Variants in STIP1 observed in about 807,000 individuals in gnomAD.
The protein encoded by STIP1 is stress induced phosphoprotein 1, also known as stress-induced-phosphoprotein 1.
STIP1 carries 16 observed loss-of-function variants against 77.4 expected under a neutral mutation model. The observed-to-expected ratio is 0.21, with a 90% CI of 0.14 to 0.31. STIP1 has a LOEUF of 0.31. Among genes scored for constraint, STIP1 ranks in the 10% least tolerant of loss-of-function variants. The pLI is 1.00. For synonymous variants in STIP1, 258 were observed against 246.6 expected, an observed-to-expected ratio of 1.05 and a Z score of -0.44; for missense variants, 524 against 684.8, an observed-to-expected ratio of 0.77 and a Z score of 2.62.
rs747641282 is a variant in STIP1 at position 64,203,501 on chromosome 11, G to A, written c.1438G>A (p.Asp480Asn). ...TATGATGGCGCAGTACAACCGGCAC[G>A]ACAGCCCCGAAGATGTGAAGCGACG... is the stretch of plus-strand genomic sequence containing the variant. ...RCMMAQYNRH[D>N]SPEDVKRRAM... Residue 480 changes from aspartate to asparagine, a missense_variant, in exon 13 of 14, where the codon GAC (aspartate) becomes AAC (asparagine). Physicochemically the swap from Asp to Asn is conservative, Grantham distance 23. Coordinates refer to ENST00000305218, the MANE Select transcript of STIP1 (RefSeq NM_006819.3). The A allele has an allele frequency of 1.9e-6, 3 of 1,613,926 alleles. No homozygotes were observed. Among genetic ancestry groups the A allele is most frequent in the African/African-American group, 1.3e-5 (1 of 74,930 alleles).
chr11:64,194,940 G>C (rs1441567393), intron 4 of STIP1, among the ~76,000 whole-genome samples: 1 of 152,026 alleles, frequency 6.6e-6, no homozygotes, highest in Non-Finnish European at 1.5e-5. Context: ...GTGGAAACAG[G>C]GTTGAAGTTC....
rs781595621 is a variant in STIP1 at position 64,194,564 on chromosome 11, T to A, written c.447T>A (p.Asp149Glu). The change falls in exon 4 of 14, where the codon GAT (aspartate) becomes GAA (glutamate). Residue 149 changes from aspartate (D) to glutamate (E), a missense_variant. By Grantham distance (45) the Asp-to-Glu change is conservative. Transcript: ENST00000305218. ...SDPRTRTLLS[D>E]PTYRELIEQL... ...CCAGGACAAGGACACTACTCAGTGA[T>A]CCTACCTACCGGGAGCTGATAGAGC... 1 of 1,614,154 alleles carries A rather than the reference T, an allele frequency of 6.2e-7. No homozygotes were observed. The highest frequency in any genetic ancestry group is 1.1e-5 in the South Asian group (1 of 91,080).
chr11:64,199,388 C>T (rs1946188666), intron 8 of STIP1, among the ~76,000 whole-genome samples: 1 of 148,256 alleles, frequency 6.7e-6, no homozygotes, highest in Non-Finnish European at 1.5e-5. Flanking sequence ...CGCCTGCAGT[C>T]CCAGCTACTC....
At chr11:64,185,648 A>T, upstream of STIP1, 6 of 825,240 alleles carry the variant, frequency 7.3e-6, no homozygotes, top group Non-Finnish European at 1.1e-5. Context: ...AGCAACCCAG[A>T]GGCCCCGCAG....
intron 5 of STIP1, 183 bp downstream of exon 5, chr11:64,195,996 C>G (rs1946146286): frequency 1.3e-6 from 1 of 784,170 alleles, no homozygotes; most frequent in East Asian, 2.7e-5. Flanking sequence ...CCTGCTTCAG[C>G]TAGGATTACA....
intron 9 of STIP1, 44 bp from the exon 10 acceptor site, chr11:64,200,125 G>A (rs780838628): frequency 2.5e-6 from 4 of 1,610,904 alleles, no homozygotes; most frequent in Non-Finnish European, 3.4e-6. Flanking sequence ...TACACATGGG[G>A]GCTTTTTGCT....
chr11:64,193,349 G>A, intron 2 of STIP1, 62 bp downstream of exon 2: 1 of 1,528,288 alleles, frequency 6.5e-7, no homozygotes, highest in South Asian at 1.1e-5. Flanking sequence ...GCCTTTTGGT[G>A]GCCTGAGGTT....
At chr11:64,197,619 C>T in intron 7 of STIP1, 24 bp downstream of exon 7, 2 of 1,612,712 alleles carry the variant, frequency 1.2e-6, no homozygotes, top group South Asian at 1.1e-5. Flanking sequence ...TCCAGAATAC[C>T]TTGAGTAGCG....
intron 8 of STIP1, among the ~76,000 whole-genome samples, chr11:64,198,808 A>T (rs1488507823): frequency 6.9e-6 from 1 of 145,910 alleles, no homozygotes; most frequent in East Asian, 2.0e-4. Context: ...TCAACCCTAA[A>T]TGTGTTAATA....
At chr11:64,188,247 G>C (rs1946049518) in intron 1 of STIP1, among the ~76,000 whole-genome samples, 1 of 150,790 alleles carries the variant, frequency 6.6e-6, no homozygotes. Flanking sequence ...GAGAGGCTGA[G>C]ATAGGAGAAT....
At position 64,195,034 on chromosome 11, in the gene STIP1, C is replaced by T. The variant is rs528840851; in HGVS notation, c.503+414C>T. Among the ~76,000 whole-genome samples the T allele has an allele frequency of 2.6e-3, 401 of 152,282 alleles. 1 individual carries two copies. The highest frequency in any genetic ancestry group is 9.9e-3 in the South Asian group (48 of 4,826). The stretch of plus-strand genomic sequence containing the variant: ...CCTGAGATCAGCTACGGAAGTATAC[C>T]TAAAACAACTCATTCCTCTGTGTAT... On this transcript the variant is annotated intron_variant, in intron 4 of 13. Coordinates refer to ENST00000305218, the MANE Select transcript of STIP1 (RefSeq NM_006819.3).
intron 1 of STIP1, among the ~76,000 whole-genome samples, chr11:64,188,338 C>T (rs1039178198): frequency 1.5e-5 from 2 of 133,414 alleles, no homozygotes; most frequent in Non-Finnish European, 1.6e-5. Context: ...AGTGAGACTC[C>T]ATCTCAAAAA....
intron 1 of STIP1, among the ~76,000 whole-genome samples, chr11:64,192,712 T>C (rs145074690): frequency 0.013 from 2,024 of 152,310 alleles, 29 homozygotes; most frequent in South Asian, 0.087. Flanking sequence ...CTGTGCTCTG[T>C]TTGTCATTTG....
At chr11:64,194,677 C>T (rs1383378994) in intron 4 of STIP1, 57 bp downstream of exon 4, 2 of 1,590,736 alleles carry the variant, frequency 1.3e-6, no homozygotes, top group Non-Finnish European at 1.7e-6. Context: ...TGCTTTCTTC[C>T]TGTAACCTCA....
At chr11:64,203,302 G>C (rs375897705) in intron 12 of STIP1, 74 bp downstream of exon 12, 1 of 1,590,376 alleles carries the variant, frequency 6.3e-7, no homozygotes, top group African/African-American at 1.3e-5. Context: ...TTCAGTCCCT[G>C]ATTTCTTCCC....
At chr11:64,203,660 A>G (rs746531282) in intron 13 of STIP1, 38 bp downstream of exon 13, 5 of 1,613,686 alleles carry the variant, frequency 3.1e-6, no homozygotes, top group Admixed American at 3.3e-5. Context: ...CTGGAAATGG[A>G]GAACAAAAGC....
chr11:64,185,815 C>A, upstream of STIP1: 1 of 1,535,806 alleles, frequency 6.5e-7, no homozygotes, highest in Non-Finnish European at 8.7e-7. Context: ...ATTCTGAAGG[C>A]GGTTCCGACA....
At chr11:64,197,662 C>T in intron 7 of STIP1, 67 bp downstream of exon 7, 6 of 1,591,878 alleles carry the variant, frequency 3.8e-6, no homozygotes, top group Admixed American at 1.7e-5. Flanking sequence ...TTAAGTTTCT[C>T]TGCATGGGGA....
At chr11:64,186,330 C>T (rs1185648031) in intron 1 of STIP1, 60 bp downstream of exon 1, 3 of 952,376 alleles carry the variant, frequency 3.2e-6, no homozygotes, top group African/African-American at 3.7e-5. Flanking sequence ...GGTGGCCAGG[C>T]CGCGGTAGGG....
Sources: allele counts gnomAD v4.1 joint callset (sites outside exome capture counted in the v4.1 genomes callset), GRCh38; gene constraint gnomAD v4.1.1; transcripts MANE v1.5; gene names NCBI Gene and HGNC (gene_info 2026-07-23, HGNC 2026-07-21).